Variants in SYNE1 observed in about 807,000 individuals in gnomAD.
The protein encoded by SYNE1 is nesprin-1.
Under a neutral mutation model 1,111.0 loss-of-function variants are expected in SYNE1, and 616 were observed. The observed-to-expected ratio is 0.55, with a 90% CI of 0.52 to 0.59. The LOEUF (loss-of-function observed/expected upper bound fraction) is 0.59, where lower values mean the gene tolerates loss of function less well. Ranked by LOEUF, SYNE1 falls within the 20% of genes least tolerant of loss-of-function variation. SYNE1 has a pLI of 0.00. For synonymous variants in SYNE1, 3,855 were observed against 3,825.8 expected, an observed-to-expected ratio of 1.01 and a Z score of -0.28; for missense variants, 10,006 against 10,417.0, an observed-to-expected ratio of 0.96 and a Z score of 1.72.
At chr6:152,503,997 G>C (rs115219169) in intron 9 of SYNE1, among the ~76,000 whole-genome samples, 1,945 of 152,064 alleles carry the variant, frequency 0.013, 38 homozygotes, top group African/African-American at 0.044. Flanking sequence ...GAAATTAGAG[G>C]AATGTCTTAT....
intron 123 of SYNE1, among the ~76,000 whole-genome samples, chr6:152,213,129 T>C (rs2077849078): frequency 6.6e-6 from 1 of 152,342 alleles, no homozygotes; most frequent in Admixed American, 6.5e-5. Flanking sequence ...TATAATGCAA[T>C]TTAATCAAGA....
chr6:152,422,972 G>A (rs2098290746), intron 39 of SYNE1, among the ~76,000 whole-genome samples: 1 of 152,222 alleles, frequency 6.6e-6, no homozygotes, highest in Admixed American at 6.5e-5. Flanking sequence ...GCCCTGCAAA[G>A]CTGTCTTTTG....
chr6:152,455,913 C>G lies in SYNE1; in HGVS notation c.2700G>C (p.Gln900His). 6.2e-7 allele frequency: 1 copy of G among 1,614,126 alleles called. No homozygotes were observed. The highest frequency in any genetic ancestry group is 8.5e-7 in the Non-Finnish European group (1 of 1,179,996). Residue 900 changes from glutamine (Q) to histidine (H), a missense_variant, in exon 23 of 146, where the codon CAG becomes CAC. Around this residue, in one of 7 missense-constraint regions of SYNE1, gnomAD observed 1,971 missense variants for 2,084.1 expected, o/e 0.95. Coordinates refer to ENST00000367255, the MANE Select transcript of SYNE1 (RefSeq NM_182961.4). ...GAAAAGCAACATGAATATCTGCAAT[C>G]TGTCTTTGTAGCCTCGTCTGATCAA... is the stretch of plus-strand genomic sequence containing the variant. ...KHFDQTRLQR[Q>H]IADIHVAFQS...
chr6:152,539,959 C>A lies in SYNE1; in HGVS notation c.129+1G>T. 1 of 1,613,870 alleles carries A rather than the reference C, an allele frequency of 6.2e-7. No individual in the cohort carries two copies. The highest frequency in any genetic ancestry group is 8.5e-7 in the Non-Finnish European group (1 of 1,179,848). On this transcript the variant is annotated splice_donor_variant, in intron 4 of 145. Transcript: ENST00000367255. LOFTEE classifies it high-confidence loss of function. ...CTGTAATGCTGGGTAGTTTCCTTTACCTTGGCCAGATGAGAGTTGATCCAT... is the reference window on the plus strand; with the variant it reads ...CTGTAATGCTGGGTAGTTTCCTTTAACTTGGCCAGATGAGAGTTGATCCAT...
At chr6:152,158,962 C>CT (rs1342594647) in intron 131 of SYNE1, among the ~76,000 whole-genome samples, 6 of 151,852 alleles carry the variant, frequency 4.0e-5, no homozygotes, top group Non-Finnish European at 8.8e-5. Context: ...AACTTTTTTT[C>CT]TTTTTTTTGA....
Position 152,407,132 on chromosome 6 carries a change from A to G in SYNE1, c.6605T>C (p.Val2202Ala). ...CTCAATCTCATCTCTAGTTGACAGT[A>G]CATCATCCCAAATGGACAGGCTTAC... Reference protein sequence around the residue: ...LRVSLSIWDDVLSTRDEIEGW... With the variant: ...LRVSLSIWDDALSTRDEIEGW... Residue 2202 changes from valine (V) to alanine (A), a missense_variant, in exon 45 of 146, where the codon GTA (valine) becomes GCA (alanine). Physicochemically the swap from Val to Ala is moderately conservative, Grantham distance 64 (BLOSUM62 0). Transcript: ENST00000367255. 6.2e-7 allele frequency: 1 copy of G among 1,614,054 alleles called. No homozygotes were observed.
chr6:152,328,701 C>T (rs535206488), intron 78 of SYNE1, among the ~76,000 whole-genome samples: 3 of 152,242 alleles, frequency 2.0e-5, no homozygotes, highest in South Asian at 2.1e-4. Context: ...CGTGAGCCAC[C>T]GCGCCCAGCC....
chr6:152,462,913 A>G lies in SYNE1; in HGVS notation c.2098-23T>C, dbSNP rs746669013. On this transcript the variant is annotated intron_variant, in intron 19 of 145. Coordinates refer to ENST00000367255, the MANE Select transcript of SYNE1 (RefSeq NM_182961.4). ...ATACTGTTAAGGAAAGGGAGGAGGG[A>G]ACATCGTGAAAGCCATTTAGCTGCG... is the stretch of plus-strand genomic sequence containing the variant. 2.5e-6 allele frequency: 4 copies of G among 1,613,596 alleles called. No individual in the cohort carries two copies. In the Admixed American group the frequency reaches 6.7e-5, roughly 27 times the overall value.
Position 152,122,632 on chromosome 6 carries a change from G to C in SYNE1, c.26198C>G (p.Pro8733Arg). Reference sequence around the variant, plus strand: ...CAGGAAGCCGCGGCCGGACCGACCTGGCCCTGGCTCAGAAAGGGAGGAATC... The same window carrying C: ...CAGGAAGCCGCGGCCGGACCGACCTCGCCCTGGCTCAGAAAGGGAGGAATC... ...GSDSSLSEPG[P>R]GRSGRGFLFR... Residue 8733 changes from proline to arginine, a missense_variant, in exon 146 of 146, where the codon CCA (proline) becomes CGA (arginine). Coordinates refer to ENST00000367255, the MANE Select transcript of SYNE1 (RefSeq NM_182961.4). 6.2e-7 allele frequency: 1 copy of C among 1,614,120 alleles called. No homozygotes were observed. The highest frequency in any genetic ancestry group is 2.2e-5 in the East Asian group (1 of 44,870).
intron 2 of SYNE1, among the ~76,000 whole-genome samples, chr6:152,631,943 C>T (rs1263622016): frequency 6.6e-6 from 1 of 152,140 alleles, no homozygotes; most frequent in African/African-American, 2.4e-5. Context: ...CTCTGAAGAA[C>T]ACTTTCAGCT....
chr6:152,180,120 G>C lies in SYNE1; in HGVS notation c.23460+16C>G, dbSNP rs762793216. 6.2e-7 allele frequency: 1 copy of C among 1,613,762 alleles called. No individual in the cohort carries two copies. The highest frequency in any genetic ancestry group is 1.1e-5 in the South Asian group (1 of 91,064). On this transcript the variant is annotated intron_variant, in intron 129 of 145. Coordinates refer to ENST00000367255, the MANE Select transcript of SYNE1 (RefSeq NM_182961.4). The stretch of plus-strand genomic sequence containing the variant: ...CTTATGAAGAATGAAAACCTAAGTA[G>C]CCATGCATTCCATACCTTCTTGAGC...
At chr6:152,528,365 C>T (rs2099175211) in intron 4 of SYNE1, among the ~76,000 whole-genome samples, 1 of 152,036 alleles carries the variant, frequency 6.6e-6, no homozygotes, top group East Asian at 1.9e-4. Flanking sequence ...GACTTTATTA[C>T]ACCAGAATAA....
At chr6:152,424,078 A>T (rs2098313452) in intron 39 of SYNE1, among the ~76,000 whole-genome samples, 1 of 152,082 alleles carries the variant, frequency 6.6e-6, no homozygotes, top group South Asian at 2.1e-4. Context: ...CTCTCTCCAC[A>T]CCATGGACCT....
rs1188174644 is a variant in SYNE1 at position 152,164,305 on chromosome 6, G to T, written c.23648C>A (p.Thr7883Asn). Residue 7883 changes from threonine (T) to asparagine (N), a missense_variant, in exon 131 of 146, where the codon ACC (threonine) becomes AAC (asparagine). By Grantham distance (65) the Thr-to-Asn change is moderately conservative. This residue lies in a region of SYNE1 where 2,182 missense variants were observed against 2,287.8 expected (regional missense o/e 0.95). Transcript: ENST00000367255. ...IAARVKKLKE[T>N]LVAVQQLDKN... ...ATCAAGCTGCTGCACGGCTACCAGG[G>T]TCTCCTTCAGCTTCTTCACCCTGTG... The T allele has an allele frequency of 1.9e-6, 3 of 1,614,126 alleles. No individual in the cohort carries two copies. The highest frequency in any genetic ancestry group is 2.5e-6 in the Non-Finnish European group (3 of 1,180,032).
chr6:152,620,540 C>A (rs2099673152), intron 3 of SYNE1, among the ~76,000 whole-genome samples: 1 of 152,146 alleles, frequency 6.6e-6, no homozygotes, highest in African/African-American at 2.4e-5. Context: ...TTCCACACAA[C>A]AGTTTTTCTT....
chr6:152,599,100 T>A (rs1282160943), intron 3 of SYNE1, among the ~76,000 whole-genome samples: 1 of 152,226 alleles, frequency 6.6e-6, no homozygotes, highest in East Asian at 1.9e-4. Flanking sequence ...TCTTTAATAA[T>A]TTCAATACTA....
At chr6:152,594,206 A>T (rs1459156323) in intron 3 of SYNE1, among the ~76,000 whole-genome samples, 4 of 152,190 alleles carry the variant, frequency 2.6e-5, no homozygotes, top group African/African-American at 9.7e-5. Flanking sequence ...GAATAGTCAT[A>T]AGACTGATTT....
chr6:152,599,302 C>A, intron 3 of SYNE1, among the ~76,000 whole-genome samples: 1 of 152,312 alleles, frequency 6.6e-6, no homozygotes, highest in South Asian at 2.1e-4. Flanking sequence ...GAAGAATGCT[C>A]TTTGTGCAGT....
intron 75 of SYNE1, 121 bp downstream of exon 75, chr6:152,339,120 T>G (rs913417744): frequency 7.5e-7 from 1 of 1,330,358 alleles, no homozygotes. Context: ...ATAATGGCTG[T>G]AGAACCATTA....
Sources: allele counts gnomAD v4.1 joint callset (sites outside exome capture counted in the v4.1 genomes callset), GRCh38; gene constraint gnomAD v4.1.1; regional missense constraint gnomAD v4.1.1; transcripts MANE v1.5; gene names NCBI Gene and HGNC (gene_info 2026-07-23, HGNC 2026-07-21).